Variants in PRKD1 observed in about 807,000 individuals in gnomAD.
The protein encoded by PRKD1 is protein kinase D1, also known as serine/threonine-protein kinase D1.
A neutral mutation model predicts 95.9 loss-of-function variants in PRKD1; 63 were observed. That is an observed-to-expected ratio of 0.66 (90% CI 0.54 to 0.81). PRKD1 has a LOEUF of 0.81. Ranked by LOEUF, PRKD1 falls within the 30% of genes least tolerant of loss-of-function variation. The probability of loss-of-function intolerance (pLI) is 0.00; values close to 1 mark genes in which losing one functional copy is unlikely to be tolerated. For synonymous variants in PRKD1, 425 were observed against 423.1 expected (o/e 1.00, Z -0.05); for missense variants, 1,048 against 1,165.3 (o/e 0.90, Z 1.47).
At chr14:29,608,696 G>C (rs1053017821) in intron 13 of PRKD1, among the ~76,000 whole-genome samples, 1 of 152,054 alleles carries the variant, frequency 6.6e-6, no homozygotes, top group African/African-American at 2.4e-5. Context: ...GATGACAGAG[G>C]TGCTTCTACT....
intron 1 of PRKD1, among the ~76,000 whole-genome samples, chr14:29,836,077 G>C (rs1891600416): frequency 6.6e-6 from 1 of 152,170 alleles, no homozygotes; most frequent in African/African-American, 2.4e-5. Flanking sequence ...ATCAAGACAA[G>C]CATCACAGAG....
chr14:29,809,077 C>T (rs1354483487), intron 1 of PRKD1, among the ~76,000 whole-genome samples: 2 of 152,228 alleles, frequency 1.3e-5, no homozygotes, highest in East Asian at 1.9e-4. Context: ...TTGTCCATCT[C>T]CACCAGAGCT....
chr14:29,727,209 A>G lies in PRKD1; in HGVS notation c.265-1535T>C, dbSNP rs975839045. 3.8e-4 allele frequency among the ~76,000 whole-genome samples: 58 copies of G among 152,122 alleles called. 1 individual carries two copies. Among genetic ancestry groups the G allele is most frequent in the African/African-American group, 1.3e-3 (55 of 41,426 alleles). On this transcript the variant is annotated intron_variant, in intron 1 of 17. Coordinates refer to ENST00000331968, the MANE Select transcript of PRKD1 (RefSeq NM_002742.3). ...GCATAAATGTCTTCTTATGAGAAGC[A>G]TCTGTTCATGTCCTTTGCCCACTTT...
At chr14:29,653,894 T>C (rs1385368869) in intron 4 of PRKD1, among the ~76,000 whole-genome samples, 2 of 152,162 alleles carry the variant, frequency 1.3e-5, no homozygotes, top group Admixed American at 1.3e-4. Context: ...AAAGCCTTTA[T>C]TCTCTCCAAC....
At chr14:29,805,742 A>T (rs146509000) in intron 1 of PRKD1, among the ~76,000 whole-genome samples, 15 of 152,372 alleles carry the variant, frequency 9.8e-5, no homozygotes, top group African/African-American at 2.9e-4. Context: ...GCCAAGAGCC[A>T]GGATTCAACC....
chr14:29,700,454 C>T (rs964405104), intron 2 of PRKD1, among the ~76,000 whole-genome samples: 4 of 152,148 alleles, frequency 2.6e-5, no homozygotes, highest in African/African-American at 9.7e-5. Context: ...GTAGAAGAAG[C>T]CTAATCACTT....
chr14:29,813,192 G>A (rs1890560889), intron 1 of PRKD1, among the ~76,000 whole-genome samples: 1 of 152,068 alleles, frequency 6.6e-6, no homozygotes, highest in South Asian at 2.1e-4. Context: ...AAAATACTCT[G>A]GAAACTTAAG....
chr14:29,660,797 A>T (rs931847802), intron 4 of PRKD1, among the ~76,000 whole-genome samples: 1 of 152,192 alleles, frequency 6.6e-6, no homozygotes, highest in Non-Finnish European at 1.5e-5. Flanking sequence ...GTTGCCCAAA[A>T]GTCCATAAAA....
At chr14:29,842,497 G>A (rs1165386079) in intron 1 of PRKD1, among the ~76,000 whole-genome samples, 6 of 152,176 alleles carry the variant, frequency 3.9e-5, no homozygotes, top group African/African-American at 1.4e-4. Context: ...TGTATAGGCA[G>A]TCCATTGTTG....
chr14:29,832,932 C>T (rs1020993622), intron 1 of PRKD1, among the ~76,000 whole-genome samples: 1 of 151,928 alleles, frequency 6.6e-6, no homozygotes, highest in Non-Finnish European at 1.5e-5. Context: ...TTTGTATATG[C>T]AGCCTTCTTT....
At chr14:29,845,509 A>G (rs1406173321) in intron 1 of PRKD1, among the ~76,000 whole-genome samples, 2 of 152,202 alleles carry the variant, frequency 1.3e-5, no homozygotes, top group East Asian at 1.9e-4. Flanking sequence ...AACTCTAAGC[A>G]TAAGACAATG....
chr14:29,737,648 A>G (rs1013003046), intron 1 of PRKD1, among the ~76,000 whole-genome samples: 4 of 152,196 alleles, frequency 2.6e-5, no homozygotes, highest in Non-Finnish European at 4.4e-5. Context: ...ATAAGGACAC[A>G]TCGTGTGATC....
At chr14:29,776,623 T>C (rs1888769967) in intron 1 of PRKD1, among the ~76,000 whole-genome samples, 2 of 152,052 alleles carry the variant, frequency 1.3e-5, no homozygotes, top group Admixed American at 6.6e-5. Context: ...GAATAAAGCG[T>C]CCAAGAAATA....
chr14:29,761,603 G>C (rs916678365), intron 1 of PRKD1, among the ~76,000 whole-genome samples: 1 of 152,026 alleles, frequency 6.6e-6, no homozygotes, highest in Non-Finnish European at 1.5e-5. Context: ...CCATTATCCT[G>C]TGCTATCAGC....
At chr14:29,731,165 T>C (rs1444272789) in intron 1 of PRKD1, among the ~76,000 whole-genome samples, 1 of 152,156 alleles carries the variant, frequency 6.6e-6, no homozygotes, top group African/African-American at 2.4e-5. Context: ...TTTAAATATA[T>C]GTAGTCTAAA....
chr14:29,872,490 A>G (rs1893143285), intron 1 of PRKD1, among the ~76,000 whole-genome samples: 1 of 151,866 alleles, frequency 6.6e-6, no homozygotes, highest in Non-Finnish European at 1.5e-5. Context: ...CATCTCTACT[A>G]AAAATACAAA....
At chr14:29,810,886 T>C (rs1222563178) in intron 1 of PRKD1, among the ~76,000 whole-genome samples, 1 of 152,230 alleles carries the variant, frequency 6.6e-6, no homozygotes, top group Admixed American at 6.5e-5. Flanking sequence ...AAAATTAAAG[T>C]GGAAGATGCA....
chr14:29,684,360 C>T (rs183061655), intron 2 of PRKD1, among the ~76,000 whole-genome samples: 259 of 152,204 alleles, frequency 1.7e-3, no homozygotes, highest in Admixed American at 4.3e-3. Context: ...AGAATGTTTA[C>T]AGCATTTGGT....
At chr14:29,774,065 A>G (rs1416954662) in intron 1 of PRKD1, among the ~76,000 whole-genome samples, 2 of 152,240 alleles carry the variant, frequency 1.3e-5, no homozygotes, top group East Asian at 1.9e-4. Flanking sequence ...AGAAAAGACG[A>G]TATCTAAATG....
Sources: gnomAD v4.1 joint callset for allele counts (sites outside exome capture counted in the v4.1 genomes callset) on GRCh38, gnomAD v4.1.1 for gene constraint, MANE v1.5 for transcripts, NCBI Gene and HGNC (gene_info 2026-07-23, HGNC 2026-07-21) for gene names.